RARB: variants seen among roughly 807,000 people sequenced by gnomAD.
The protein encoded by RARB is HBV-activated protein.
In RARB, 17 loss-of-function variants were observed where a neutral mutation model predicts 51.9. That is an observed-to-expected ratio of 0.33 (90% CI 0.22 to 0.49). The LOEUF is 0.49. Among genes scored for constraint, RARB ranks in the 20% least tolerant of loss-of-function variants. The pLI, the probability that RARB is intolerant of heterozygous loss-of-function variation, is 0.99. For synonymous variants in RARB, 215 were observed against 195.4 expected (o/e 1.10, Z -0.84); for missense variants, 369 against 550.8 (o/e 0.67, Z 3.30).
chr3:25,243,975 C>A (rs1354132142), intron 5 of RARB, among the ~76,000 whole-genome samples: 1 of 152,150 alleles, frequency 6.6e-6, no homozygotes, highest in Non-Finnish European at 1.5e-5. Flanking sequence ...TTAATTACTG[C>A]CTCAATTTCA....
chr3:25,312,744 G>A (rs1704319829), intron 5 of RARB, among the ~76,000 whole-genome samples: 1 of 152,146 alleles, frequency 6.6e-6, no homozygotes, highest in South Asian at 2.1e-4. Flanking sequence ...TCTAACCTCT[G>A]TTTTACAATC....
intron 2 of RARB, among the ~76,000 whole-genome samples, chr3:24,999,391 G>A (rs779351526): frequency 3.3e-5 from 5 of 152,112 alleles, no homozygotes; most frequent in Non-Finnish European, 7.3e-5. Context: ...TGAGTTTGGG[G>A]AGGATGCCTC....
At chr3:25,230,586 CT>C (rs1702153664) in intron 5 of RARB, among the ~76,000 whole-genome samples, 1 of 151,856 alleles carries the variant, frequency 6.6e-6, no homozygotes, top group Non-Finnish European at 1.5e-5. Flanking sequence ...TAATATTTAT[CT>C]AGTATTCACG....
At chr3:25,413,247 G>A (rs1387727943) in intron 5 of RARB, among the ~76,000 whole-genome samples, 1 of 145,910 alleles carries the variant, frequency 6.9e-6, no homozygotes, top group Non-Finnish European at 1.5e-5. Flanking sequence ...GTGTATTTTT[G>A]TCTTTTTTCA....
rs373277239 is a variant in RARB at position 25,114,461 on chromosome 3, G to A, written c.-327-17700G>A. Among the ~76,000 whole-genome samples, 44 of 152,278 alleles carry A rather than the reference G, an allele frequency of 2.9e-4. 1 individual carries two copies. The South Asian group carries it at 7.9e-3, about 27-fold the overall frequency. On this transcript the variant is annotated intron_variant, in intron 3 of 11. Coordinates refer to the RARB transcript ENST00000383772. ...TTATTTTAGCAGAAGTAAAAATGAT[G>A]ATCCCATCTTGTAGGGATTTTACTT... is the stretch of plus-strand genomic sequence containing the variant.
intron 5 of RARB, among the ~76,000 whole-genome samples, chr3:25,243,753 A>G (rs1405224616): frequency 2.6e-5 from 4 of 152,020 alleles, no homozygotes; most frequent in Non-Finnish European, 5.9e-5. Flanking sequence ...TTCATCAGGG[A>G]TATTGGCCTG....
chr3:25,375,852 CT>C (rs1244768226), intron 5 of RARB, among the ~76,000 whole-genome samples: 1 of 152,164 alleles, frequency 6.6e-6, no homozygotes, highest in Non-Finnish European at 1.5e-5. Context: ...TGATTAGAAG[CT>C]TGGACCCTGA....
intron 5 of RARB, among the ~76,000 whole-genome samples, chr3:25,255,683 C>A (rs948121171): frequency 1.3e-5 from 2 of 151,964 alleles, no homozygotes; most frequent in Admixed American, 1.3e-4. Context: ...AGAGACTTTG[C>A]GTTATATTAG....
intron 5 of RARB, among the ~76,000 whole-genome samples, chr3:25,220,589 C>T (rs895730947): frequency 2.6e-5 from 4 of 152,126 alleles, no homozygotes; most frequent in East Asian, 1.9e-4. Flanking sequence ...TGAGTTCTTA[C>T]GAGATCTGAT....
At chr3:24,893,759 A>G (rs923687141) in intron 2 of RARB, among the ~76,000 whole-genome samples, 1 of 151,930 alleles carries the variant, frequency 6.6e-6, no homozygotes, top group Non-Finnish European at 1.5e-5. Flanking sequence ...TTCTGGACTC[A>G]AGCAATCCTC....
At chr3:25,333,118 T>C (rs1486857271) in intron 5 of RARB, among the ~76,000 whole-genome samples, 6 of 152,156 alleles carry the variant, frequency 3.9e-5, no homozygotes, top group Admixed American at 1.3e-4. Flanking sequence ...AATTTATAGA[T>C]TCAATGCCAT....
intron 4 of RARB, among the ~76,000 whole-genome samples, chr3:25,572,792 G>A (rs1195632591): frequency 1.3e-5 from 2 of 152,138 alleles, no homozygotes; most frequent in African/African-American, 4.8e-5. Flanking sequence ...GCCAGTAACT[G>A]CTACATCAGG....
chr3:25,576,381 G>C (rs368008491), intron 4 of RARB, among the ~76,000 whole-genome samples: 3 of 152,286 alleles, frequency 2.0e-5, no homozygotes, highest in Admixed American at 6.5e-5. Flanking sequence ...GAAGGCATTC[G>C]TGGCCCCTTC....
intron 5 of RARB, among the ~76,000 whole-genome samples, chr3:25,345,440 G>T (rs921383912): frequency 6.6e-6 from 1 of 152,144 alleles, no homozygotes; most frequent in African/African-American, 2.4e-5. Context: ...GCTGAGGTGG[G>T]TGGATCACAA....
At position 25,198,951 on chromosome 3, in the gene RARB, C is replaced by T. The variant is rs115799518; in HGVS notation, c.178+24376C>T. On this transcript the variant is annotated intron_variant, in intron 5 of 11. Coordinates refer to the RARB transcript ENST00000383772. ...TCCCACTGCTTTTTGGTATATACCC[C>T]CAAAAAAGGAAATCGGTATATTGAA... 6.4e-3 allele frequency among the ~76,000 whole-genome samples: 976 copies of T among 151,834 alleles called. 9 individuals carry two copies. Among genetic ancestry groups the T allele is most frequent in the African/African-American group, 0.022 (912 of 41,444 alleles).
At chr3:25,053,690 G>A (rs942390417) in intron 2 of RARB, among the ~76,000 whole-genome samples, 1 of 152,168 alleles carries the variant, frequency 6.6e-6, no homozygotes, top group Non-Finnish European at 1.5e-5. Context: ...TGTTGATGGA[G>A]TTCTGATAGG....
chr3:24,879,829 T>A (rs993423584), intron 2 of RARB, among the ~76,000 whole-genome samples: 4 of 151,098 alleles, frequency 2.6e-5, no homozygotes, highest in Non-Finnish European at 4.4e-5. Flanking sequence ...ATGTGTAGAT[T>A]TTCTTGCAGA....
intron 3 of RARB, among the ~76,000 whole-genome samples, chr3:25,545,580 G>A (rs189259884): frequency 9.2e-5 from 14 of 152,290 alleles, no homozygotes; most frequent in Admixed American, 9.1e-4. Flanking sequence ...GTGTGCGGTT[G>A]GCATTGCTCT....
chr3:25,012,408 G>A (rs1265696238), intron 2 of RARB, among the ~76,000 whole-genome samples: 2 of 152,094 alleles, frequency 1.3e-5, no homozygotes, highest in Non-Finnish European at 2.9e-5. Flanking sequence ...TGGGGCAACA[G>A]AATGAGTATT....
Sources: gnomAD v4.1 joint callset for allele counts (sites outside exome capture counted in the v4.1 genomes callset) on GRCh38, gnomAD v4.1.1 for gene constraint, MANE v1.5 for transcripts, NCBI Gene and HGNC (gene_info 2026-07-23, HGNC 2026-07-21) for gene names.